CHKA: variants seen among roughly 807,000 people sequenced by gnomAD.
CHKA encodes the protein CHETK-alpha.
In CHKA, 34 loss-of-function variants were observed where a neutral mutation model predicts 60.1. That is an observed-to-expected ratio of 0.57 (90% CI 0.43 to 0.75). CHKA has a LOEUF of 0.75. CHKA is among the 30% of genes least tolerant of loss of function. The pLI is 0.00. For missense variants in CHKA, 563 were observed against 561.3 expected, an observed-to-expected ratio of 1.00 and a Z score of -0.03; for synonymous variants, 217 against 223.1, an observed-to-expected ratio of 0.97 and a Z score of 0.24.
At chr11:68,060,301 G>T (rs1856187311) in intron 11 of CHKA, among the ~76,000 whole-genome samples, 1 of 151,528 alleles carries the variant, frequency 6.6e-6, no homozygotes, top group Non-Finnish European at 1.5e-5. Context: ...CAAAGTTCTG[G>T]GATTACAGGC....
At chr11:68,061,734 C>T (rs1320477387) in intron 11 of CHKA, 2 of 590,814 alleles carry the variant, frequency 3.4e-6, no homozygotes, top group Non-Finnish European at 6.4e-6. Flanking sequence ...AGGGCAACCT[C>T]CAAAGGCAAC....
Position 68,062,289 on chromosome 11 carries a change from G to A in CHKA, c.1233-255C>T, listed in dbSNP as rs181422528. 6.0e-3 allele frequency among the ~76,000 whole-genome samples: 909 copies of A among 152,344 alleles called. 2 individuals are homozygous for A. Among genetic ancestry groups the A allele is most frequent in the African/African-American group, 0.017 (706 of 41,574 alleles). On this transcript the variant is annotated intron_variant, in intron 10 of 11. Transcript: ENST00000265689. Reference sequence around the variant, plus strand: ...CACAGCTGGCCTGGCCATGGCACACGTAAATGCCACTTGGCCATAATATAT... The same window carrying A: ...CACAGCTGGCCTGGCCATGGCACACATAAATGCCACTTGGCCATAATATAT...
Position 68,061,986 on chromosome 11 carries a change from T to C in CHKA, c.1281A>G (p.Gln427=). 6.3e-7 allele frequency: 1 copy of C among 1,598,798 alleles called. No homozygotes were observed. The highest frequency in any genetic ancestry group is 1.3e-5 in the African/African-American group (1 of 74,736). Residue 427 remains glutamine (Q), a synonymous_variant, in exon 11 of 12, where the codon CAA becomes CAG. Coordinates refer to ENST00000265689, the MANE Select transcript of CHKA (RefSeq NM_001277.3). ...HFLWGLWSIV[Q]AKISSIEFGY... Reference sequence around the variant, plus strand: ...CAAATTCAATAGATGAAATCTTGGCTTGTACAATGGACCACAGTCCCCAGA... The same window carrying C: ...CAAATTCAATAGATGAAATCTTGGCCTGTACAATGGACCACAGTCCCCAGA...
intron 2 of CHKA, among the ~76,000 whole-genome samples, chr11:68,093,819 C>G (rs962171448): frequency 6.6e-6 from 1 of 152,150 alleles, no homozygotes; most frequent in Admixed American, 6.5e-5. Flanking sequence ...ACAGTGGCCA[C>G]GAGCTACATG....
intron 3 of CHKA, among the ~76,000 whole-genome samples, chr11:68,078,513 C>T (rs991216772): frequency 3.9e-5 from 6 of 152,126 alleles, no homozygotes; most frequent in African/African-American, 1.4e-4. Context: ...GAAGAGTGAA[C>T]AGAAACGGGA....
Position 68,120,860 on chromosome 11 carries a change from G to C in CHKA, c.318C>G (p.Leu106=). The part of the protein sequence containing the change: ...KEFLPGAWRG[L]REDEFHISVI... ...CACTGATGTGGAACTCGTCCTCGCG[G>C]AGGCCCCGCCAGGCGCCGGGCAGGA... is the stretch of plus-strand genomic sequence containing the variant. The change falls in exon 1 of 12, where the codon CTC becomes CTG. Residue 106 remains leucine, a synonymous_variant. Coordinates refer to ENST00000265689, the MANE Select transcript of CHKA (RefSeq NM_001277.3). 7.4e-7 allele frequency: 1 copy of C among 1,353,176 alleles called. No individual in the cohort carries two copies. Among genetic ancestry groups the C allele is most frequent in the Non-Finnish European group, 9.6e-7 (1 of 1,037,782 alleles). 83.8% of individuals were successfully genotyped at this position (1,353,176 alleles called of 1,614,324 possible). A position where few individuals can be genotyped will look rare whatever the true frequency, so the allele number is the denominator to read the frequency against.
chr11:68,100,017 A>G (rs1275498989), intron 1 of CHKA, among the ~76,000 whole-genome samples: 1 of 152,224 alleles, frequency 6.6e-6, no homozygotes, highest in Non-Finnish European at 1.5e-5. Flanking sequence ...AAAATAAATG[A>G]AGCAAGGTGA....
intron 11 of CHKA, 124 bp from the exon 12 acceptor site, chr11:68,054,171 G>T: frequency 1.3e-6 from 1 of 775,212 alleles, no homozygotes. Context: ...CAAAAGCACA[G>T]GACTGGCCTG....
intron 1 of CHKA, among the ~76,000 whole-genome samples, chr11:68,098,289 A>G (rs992673476): frequency 7.3e-5 from 11 of 150,586 alleles, no homozygotes; most frequent in African/African-American, 2.7e-4. Flanking sequence ...AAAAAAAAAA[A>G]AAAGAAAAAG....
At chr11:68,058,326 A>G (rs535083106) in intron 11 of CHKA, among the ~76,000 whole-genome samples, 26 of 152,308 alleles carry the variant, frequency 1.7e-4, no homozygotes, top group African/African-American at 6.0e-4. Flanking sequence ...GCATTTTCAT[A>G]TAAATTTCAG....
chr11:68,064,434 TA>T, intron 10 of CHKA, 90 bp downstream of exon 10: 1 of 612,088 alleles, frequency 1.6e-6, no homozygotes, highest in Non-Finnish European at 2.8e-6. Flanking sequence ...GAAGAAGCTC[TA>T]AAATACTCCT....
intron 6 of CHKA, among the ~76,000 whole-genome samples, chr11:68,069,660 G>T (rs1856551763): frequency 6.6e-6 from 1 of 151,204 alleles, no homozygotes; most frequent in Non-Finnish European, 1.5e-5. Flanking sequence ...CTCCAGCCTG[G>T]CAACAAAGCG....
At chr11:68,101,228 G>A (rs1486581130) in intron 1 of CHKA, among the ~76,000 whole-genome samples, 1 of 152,082 alleles carries the variant, frequency 6.6e-6, no homozygotes, top group South Asian at 2.1e-4. Context: ...GATTACAGGC[G>A]TGAGCCACCA....
At chr11:68,097,507 G>A (rs1857553776) in intron 1 of CHKA, among the ~76,000 whole-genome samples, 1 of 151,958 alleles carries the variant, frequency 6.6e-6, no homozygotes, top group Non-Finnish European at 1.5e-5. Flanking sequence ...GTGGTGGCAG[G>A]TGCCTGTAGT....
intron 1 of CHKA, among the ~76,000 whole-genome samples, chr11:68,104,989 A>G (rs1408850190): frequency 6.6e-6 from 1 of 151,906 alleles, no homozygotes; most frequent in Admixed American, 6.6e-5. Flanking sequence ...CTGTAATCTC[A>G]GCTACTCAGG....
At chr11:68,114,088 A>T (rs1858288972) in intron 1 of CHKA, among the ~76,000 whole-genome samples, 2 of 152,218 alleles carry the variant, frequency 1.3e-5, no homozygotes, top group Admixed American at 1.3e-4. Context: ...GCTAGTAAGG[A>T]CATAGAATAA....
chr11:68,081,061 G>C (rs568562450), intron 3 of CHKA, among the ~76,000 whole-genome samples: 2 of 152,326 alleles, frequency 1.3e-5, no homozygotes, highest in South Asian at 4.1e-4. Context: ...CCAGAAAGGG[G>C]GTGAGAGAGG....
rs534427819 is a variant in CHKA at position 68,069,105 on chromosome 11, T to C, written c.870-168A>G. Among the ~76,000 whole-genome samples the C allele has an allele frequency of 3.9e-5, 6 of 152,192 alleles. No homozygotes were observed. The East Asian group carries it at 1.2e-3, about 29-fold the overall frequency. On this transcript the variant is annotated intron_variant, in intron 6 of 11. Coordinates refer to ENST00000265689, the MANE Select transcript of CHKA (RefSeq NM_001277.3). ...AACTGCGTCATTACGTGGCAACAAC[T>C]CCACAGGCCCTCTGCACTCAGCTCT...
intron 1 of CHKA, among the ~76,000 whole-genome samples, chr11:68,105,531 A>G (rs953167050): frequency 3.3e-5 from 5 of 151,052 alleles, no homozygotes; most frequent in Admixed American, 6.6e-5. Flanking sequence ...AAAAAAAAAA[A>G]AAAAAAAAAG....
Sources: allele counts gnomAD v4.1 joint callset (sites outside exome capture counted in the v4.1 genomes callset), GRCh38; gene constraint gnomAD v4.1.1; transcripts MANE v1.5; gene names NCBI Gene and HGNC (gene_info 2026-07-23, HGNC 2026-07-21).